Variants in NOC3L observed in about 807,000 individuals in gnomAD.
The protein encoded by NOC3L is nucleolar complex protein 3 homolog.
In NOC3L, 85 loss-of-function variants were observed where a neutral mutation model predicts 102.5. The ratio of observed to expected loss-of-function variants is 0.83; its 90% CI spans 0.70 to 0.99. NOC3L has a LOEUF of 0.99. Ranked by LOEUF, NOC3L falls within the 50% of genes least tolerant of loss-of-function variation. The pLI is 0.00. For synonymous variants in NOC3L, 303 were observed against 309.4 expected (o/e 0.98, Z 0.22); for missense variants, 878 against 914.9 (o/e 0.96, Z 0.52).
At position 94,349,242 on chromosome 10, in the gene NOC3L, A is replaced by AG. The variant is rs760737165; in HGVS notation, c.1257+7dup. ...AACAAAATGCAAAGTAAAAAAAAAA[A>AG]GGCTCACCTCTGGCCTAACTTCGTA... On this transcript the variant is annotated splice_region_variant and intron_variant, in intron 10 of 20. Coordinates refer to ENST00000371361, the MANE Select transcript of NOC3L (RefSeq NM_022451.11). The AG allele has an allele frequency of 3.8e-6, 6 of 1,558,536 alleles. No individual in the cohort carries two copies. Among genetic ancestry groups the AG allele is most frequent in the Non-Finnish European group, 4.3e-6 (5 of 1,163,326 alleles).
chr10:94,324,257 G>A, the NOC3L span: 5 of 979,340 alleles, frequency 5.1e-6, no homozygotes, highest in East Asian at 2.4e-5. Flanking sequence ...CTCTAGTCTG[G>A]GCCATTTTTC....
intron 20 of NOC3L, 42 bp downstream of exon 20, chr10:94,334,592 G>A (rs752974264): frequency 1.4e-6 from 2 of 1,422,084 alleles, no homozygotes; most frequent in Non-Finnish European, 2.0e-6. Context: ...AGATACATTG[G>A]TTTCTATTTC....
At chr10:94,343,077 G>C (rs2054304385) in intron 13 of NOC3L, among the ~76,000 whole-genome samples, 1 of 147,212 alleles carries the variant, frequency 6.8e-6, no homozygotes, top group Non-Finnish European at 1.5e-5. Context: ...GAGCAAGACA[G>C]TGTCTCCAAA....
intron 18 of NOC3L, among the ~76,000 whole-genome samples, chr10:94,338,387 AACTGAC>A (rs2054245947): frequency 6.6e-6 from 1 of 152,350 alleles, no homozygotes; most frequent in African/African-American, 2.4e-5. Context: ...CACCCTACAG[AACTGAC>A]ACTGTTTTCT....
intron 8 of NOC3L, 50 bp from the exon 9 acceptor site, chr10:94,350,338 C>A: frequency 6.6e-7 from 1 of 1,517,082 alleles, no homozygotes; most frequent in Non-Finnish European, 9.1e-7. Context: ...AAAAGTTAAA[C>A]TAATTGGCTT....
Position 94,339,853 on chromosome 10 carries a change from C to G in NOC3L, c.1848G>C (p.Lys616Asn). 1.2e-6 allele frequency: 2 copies of G among 1,614,210 alleles called. No homozygotes were observed. The highest frequency in any genetic ancestry group is 2.2e-5 in the South Asian group (2 of 91,080). ...CAAGAGCTCGCTGCTGAGAAACTTG[C>G]TTTCTGCGCTTAGTTAGCATGACAT... ...CLDVMLTKRR[K>N]QVSQQRALAF... The change falls in exon 17 of 21, where the codon AAG becomes AAC. Residue 616 changes from lysine (K) to asparagine (N), a missense_variant. Physicochemically the swap from Lys to Asn is moderately conservative, Grantham distance 94. Coordinates refer to ENST00000371361, the MANE Select transcript of NOC3L (RefSeq NM_022451.11).
At chr10:94,344,061 A>G (rs1209548725) in intron 13 of NOC3L, among the ~76,000 whole-genome samples, 1 of 152,222 alleles carries the variant, frequency 6.6e-6, no homozygotes, top group African/African-American at 2.4e-5. Flanking sequence ...AATGATGTAC[A>G]GCCGGGTTAA....
chr10:94,354,455 TCTC>T (rs137932815), intron 6 of NOC3L, among the ~76,000 whole-genome samples: 9,657 of 152,226 alleles, frequency 0.063, 386 homozygotes, highest in Middle Eastern at 0.14. Flanking sequence ...ACCTCAGATT[TCTC>T]TAGTTCATGT....
At chr10:94,329,797 A>AAAAC (rs1564905193), downstream of NOC3L, 2 of 150,376 alleles carry the variant, frequency 1.3e-5, no homozygotes, top group Non-Finnish European at 1.5e-5. Flanking sequence ...AAAAAAAAAA[A>AAAAC]AAAAAAAAAA....
chr10:94,317,487 T>G, the NOC3L span, among the ~76,000 whole-genome samples: 1 of 152,220 alleles, frequency 6.6e-6, no homozygotes, highest in Non-Finnish European at 1.5e-5. Context: ...GACTTCCAGT[T>G]TTAGCTAATA....
At chr10:94,355,764 T>C (rs139822790) in intron 5 of NOC3L, among the ~76,000 whole-genome samples, 336 of 152,232 alleles carry the variant, frequency 2.2e-3, no homozygotes, top group African/African-American at 7.3e-3. Flanking sequence ...GATAATCCTA[T>C]TTAGTTTTTT....
chr10:94,351,174 A>T (rs142946484), intron 8 of NOC3L, among the ~76,000 whole-genome samples: 2 of 152,290 alleles, frequency 1.3e-5, no homozygotes, highest in East Asian at 3.9e-4. Context: ...CACTGGAAGA[A>T]CAAACACTAA....
chr10:94,337,500 A>G (rs534360275), intron 19 of NOC3L, among the ~76,000 whole-genome samples: 10 of 152,314 alleles, frequency 6.6e-5, no homozygotes, highest in African/African-American at 2.4e-4. Context: ...GACATTCACT[A>G]TGCCATTCTA....
At chr10:94,341,537 G>A in intron 14 of NOC3L, 136 bp downstream of exon 14, 1 of 426,536 alleles carries the variant, frequency 2.3e-6, no homozygotes, top group Non-Finnish European at 4.1e-6. Flanking sequence ...ATGATCATAG[G>A]CCTTTGTCAA....
At chr10:94,317,055 A>G in the NOC3L span, among the ~76,000 whole-genome samples, 2 of 152,212 alleles carry the variant, frequency 1.3e-5, no homozygotes, top group Non-Finnish European at 2.9e-5. Flanking sequence ...GTTCAAGACC[A>G]GCCTGGCCAA....
the NOC3L span, chr10:94,327,953 T>A: frequency 1.9e-6 from 1 of 532,214 alleles, no homozygotes; most frequent in Admixed American, 1.9e-5. Context: ...TAAGCCTCTG[T>A]ATACAACATT....
chr10:94,338,565 T>C, intron 18 of NOC3L, 43 bp downstream of exon 18: 1 of 1,441,018 alleles, frequency 6.9e-7, no homozygotes, highest in Non-Finnish European at 9.2e-7. Context: ...AAACAATTAT[T>C]CACAAACATC....
intron 19 of NOC3L, among the ~76,000 whole-genome samples, chr10:94,336,632 G>A (rs766260439): frequency 2.0e-4 from 31 of 151,930 alleles, no homozygotes; most frequent in Non-Finnish European, 3.4e-4. Context: ...ACAGGCGTGA[G>A]CCACTGAGCC....
intron 8 of NOC3L, among the ~76,000 whole-genome samples, chr10:94,350,551 TA>T (rs879587001): frequency 2.8e-3 from 386 of 138,068 alleles, no homozygotes; most frequent in Middle Eastern, 3.7e-3. Flanking sequence ...TCTACTAACA[TA>T]AAAAAAAAAA....
Sources: allele counts gnomAD v4.1 joint callset (sites outside exome capture counted in the v4.1 genomes callset), GRCh38; gene constraint gnomAD v4.1.1; transcripts MANE v1.5; gene names NCBI Gene and HGNC (gene_info 2026-07-23, HGNC 2026-07-21).